CHMP2B: variants seen among roughly 807,000 people sequenced by gnomAD.
CHMP2B encodes the protein VPS2 homolog B.
In CHMP2B, 22 loss-of-function variants were observed where a neutral mutation model predicts 29.8. The ratio of observed to expected loss-of-function variants is 0.74; its 90% CI spans 0.53 to 1.05. The LOEUF (loss-of-function observed/expected upper bound fraction) is 1.05, where lower values mean the gene tolerates loss of function less well. Ranked by LOEUF, CHMP2B falls within the 50% of genes least tolerant of loss-of-function variation. The pLI, the probability that CHMP2B is intolerant of heterozygous loss-of-function variation, is 0.00. For synonymous variants in CHMP2B, 78 were observed against 75.8 expected, an observed-to-expected ratio of 1.03 and a Z score of -0.15; for missense variants, 261 against 252.2, an observed-to-expected ratio of 1.03 and a Z score of -0.24.
At chr3:87,235,787 T>A (rs972852717) in intron 1 of CHMP2B, among the ~76,000 whole-genome samples, 1 of 152,176 alleles carries the variant, frequency 6.6e-6, no homozygotes, top group African/African-American at 2.4e-5. Context: ...GCAGACCCTA[T>A]AGGTGAAAGA....
intron 2 of CHMP2B, among the ~76,000 whole-genome samples, chr3:87,241,622 G>A (rs1706120619): frequency 6.6e-6 from 1 of 151,994 alleles, no homozygotes; most frequent in Non-Finnish European, 1.5e-5. Flanking sequence ...AATTAGTGCT[G>A]TTTCATGCAT....
chr3:87,244,829 A>C (rs1575968441), intron 2 of CHMP2B, among the ~76,000 whole-genome samples: 1 of 152,136 alleles, frequency 6.6e-6, no homozygotes, highest in African/African-American at 2.4e-5. Flanking sequence ...AGTTAGGTCA[A>C]ATTGGTGATA....
chr3:87,243,448 C>T (rs951175214), intron 2 of CHMP2B, among the ~76,000 whole-genome samples: 4 of 151,840 alleles, frequency 2.6e-5, no homozygotes, highest in African/African-American at 7.3e-5. Context: ...GCCCAGGCGG[C>T]AGTGCAGTGT....
chr3:87,251,511 A>G (rs1033778137), intron 4 of CHMP2B, among the ~76,000 whole-genome samples: 15 of 152,010 alleles, frequency 9.9e-5, no homozygotes, highest in African/African-American at 3.6e-4. Context: ...TTAATACATT[A>G]CAAGTTAGTC....
Position 87,227,493 on chromosome 3 carries a change from A to C in CHMP2B, c.-30A>C. ...GCCAGCGTTGGGCCGGACCGGGCCGAGCCGGGCCGCCCGGGCGCAGTCTTT... is the reference window on the plus strand; with the variant it reads ...GCCAGCGTTGGGCCGGACCGGGCCGCGCCGGGCCGCCCGGGCGCAGTCTTT... On this transcript the variant is annotated 5_prime_UTR_variant, in exon 1 of 6. Coordinates refer to ENST00000263780, the MANE Select transcript of CHMP2B (RefSeq NM_014043.4). 6.2e-7 allele frequency: 1 copy of C among 1,613,994 alleles called. No individual in the cohort carries two copies. Among genetic ancestry groups the C allele is most frequent in the Non-Finnish European group, 8.5e-7 (1 of 1,179,934 alleles).
At position 87,249,868 on chromosome 3, in the gene CHMP2B, T is replaced by C; in HGVS notation, c.322-7T>C. 1 of 1,556,998 alleles carries C rather than the reference T, an allele frequency of 6.4e-7. No individual in the cohort carries two copies. The highest frequency in any genetic ancestry group is 8.8e-7 in the Non-Finnish European group (1 of 1,130,420). Reference sequence around the variant, plus strand: ...AAGTAACATGAATCTTGTAAATACATTTAAAGACAATGCAGGCAGTTAACA... The same window carrying C: ...AAGTAACATGAATCTTGTAAATACACTTAAAGACAATGCAGGCAGTTAACA... On this transcript the variant is annotated splice_region_variant and splice_polypyrimidine_tract_variant and intron_variant, in intron 3 of 5. Coordinates refer to ENST00000263780, the MANE Select transcript of CHMP2B (RefSeq NM_014043.4).
intron 1 of CHMP2B, among the ~76,000 whole-genome samples, chr3:87,228,631 C>A (rs1705855780): frequency 6.6e-6 from 1 of 152,210 alleles, no homozygotes; most frequent in Non-Finnish European, 1.5e-5. Flanking sequence ...CTCTGCTCTG[C>A]TGCTGTACAC....
At chr3:87,243,305 T>G (rs945933628) in intron 2 of CHMP2B, among the ~76,000 whole-genome samples, 1 of 152,230 alleles carries the variant, frequency 6.6e-6, no homozygotes, top group Non-Finnish European at 1.5e-5. Flanking sequence ...TTAATGTATT[T>G]TCAGTTTGCT....
At chr3:87,235,842 C>T (rs1705997923) in intron 1 of CHMP2B, among the ~76,000 whole-genome samples, 1 of 152,182 alleles carries the variant, frequency 6.6e-6, no homozygotes, top group Non-Finnish European at 1.5e-5. Flanking sequence ...TTGAAAGACG[C>T]AGATTGTGCT....
chr3:87,242,897 A>G (rs1413952154), intron 2 of CHMP2B, among the ~76,000 whole-genome samples: 3 of 152,138 alleles, frequency 2.0e-5, no homozygotes, highest in African/African-American at 4.8e-5. Flanking sequence ...TTCTTTTTTC[A>G]TAATTGTTTT....
intron 3 of CHMP2B, among the ~76,000 whole-genome samples, chr3:87,249,135 G>T (rs1485487537): frequency 2.0e-5 from 3 of 152,066 alleles, no homozygotes; most frequent in Non-Finnish European, 4.4e-5. Flanking sequence ...CACTGTACTG[G>T]ATTTTGTAGG....
intron 1 of CHMP2B, among the ~76,000 whole-genome samples, chr3:87,239,129 C>A (rs377392989): frequency 1.3e-5 from 2 of 152,004 alleles, no homozygotes; most frequent in Non-Finnish European, 2.9e-5. Flanking sequence ...GTTTGTATCT[C>A]GTTTCTTGAG....
Position 87,249,914 on chromosome 3 carries a change from A to G in CHMP2B, c.361A>G (p.Thr121Ala), listed in dbSNP as rs777390752. ...AVNKKMDPQK[T>A]LQTMQNFQKE... ...TAACAAGAAGATGGATCCACAAAAG[A>G]CATTACAAACAATGCAGAATTTCCA... The change falls in exon 4 of 6, where the codon ACA becomes GCA. Residue 121 changes from threonine to alanine, a missense_variant. Transcript: ENST00000263780. 6 of 1,607,964 alleles carry G rather than the reference A, an allele frequency of 3.7e-6. No individual in the cohort carries two copies. Among genetic ancestry groups the G allele is most frequent in the South Asian group, 1.1e-5 (1 of 90,228 alleles).
intron 4 of CHMP2B, among the ~76,000 whole-genome samples, chr3:87,250,586 A>G (rs145259540): frequency 1.3e-5 from 2 of 152,010 alleles, no homozygotes; most frequent in African/African-American, 4.8e-5. Flanking sequence ...TTTTAAAAAC[A>G]TAATAGTATA....
At chr3:87,248,825 C>T (rs1706262889) in intron 3 of CHMP2B, among the ~76,000 whole-genome samples, 1 of 151,990 alleles carries the variant, frequency 6.6e-6, no homozygotes, top group Admixed American at 6.6e-5. Context: ...CATTGCATGC[C>T]ATTGAGAAAG....
At position 87,249,934 on chromosome 3, in the gene CHMP2B, T is replaced by G. The variant is rs1706284729; in HGVS notation, c.381T>G (p.Asn127Lys). The G allele has an allele frequency of 6.2e-7, 1 of 1,605,484 alleles. No individual in the cohort carries two copies. The highest frequency in any genetic ancestry group is 8.5e-7 in the Non-Finnish European group (1 of 1,174,232). The stretch of plus-strand genomic sequence containing the variant: ...AAAAGACATTACAAACAATGCAGAA[T>G]TTCCAGAAGGAAAACATGAAAATGG... ...DPQKTLQTMQ[N>K]FQKENMKMEM... The change falls in exon 4 of 6, where the codon AAT becomes AAG. Residue 127 changes from asparagine (N) to lysine (K), a missense_variant. Physicochemically the swap from Asn to Lys is moderately conservative, Grantham distance 94 (BLOSUM62 0). Transcript: ENST00000263780.
intron 3 of CHMP2B, among the ~76,000 whole-genome samples, chr3:87,246,505 C>CT (rs1287592842): frequency 2.6e-5 from 4 of 152,064 alleles, no homozygotes; most frequent in Admixed American, 1.3e-4. Context: ...AAAGTATTTG[C>CT]TTTTTTCCCC....
intron 1 of CHMP2B, among the ~76,000 whole-genome samples, chr3:87,232,156 C>CA (rs1705920141): frequency 6.6e-6 from 1 of 152,108 alleles, no homozygotes; most frequent in Non-Finnish European, 1.5e-5. Context: ...ATTTGAAGAA[C>CA]ACTACAGAGA....
chr3:87,252,102 C>T (rs1706322011), intron 4 of CHMP2B, among the ~76,000 whole-genome samples: 1 of 151,856 alleles, frequency 6.6e-6, no homozygotes, highest in South Asian at 2.1e-4. Context: ...TCAGTTTATA[C>T]CCTAGATGAC....
Sources: gnomAD v4.1 joint callset for allele counts (sites outside exome capture counted in the v4.1 genomes callset) on GRCh38, gnomAD v4.1.1 for gene constraint, MANE v1.5 for transcripts, NCBI Gene and HGNC (gene_info 2026-07-23, HGNC 2026-07-21) for gene names.